FUT9: variants seen among roughly 807,000 people sequenced by gnomAD.
The protein encoded by FUT9 is 4-galactosyl-N-acetylglucosaminide 3-alpha-L-fucosyltransferase 9.
FUT9 carries 15 observed loss-of-function variants against 29.7 expected under a neutral mutation model. The observed-to-expected ratio is 0.51, with a 90% CI of 0.34 to 0.78. The LOEUF is 0.78. Ranked by LOEUF, FUT9 falls within the 30% of genes least tolerant of loss-of-function variation. The pLI is 0.01. For missense variants in FUT9, 319 were observed against 425.4 expected (o/e 0.75, Z 2.20); for synonymous variants, 169 against 153.7 (o/e 1.10, Z -0.74).
At position 96,089,190 on chromosome 6, in the gene FUT9, T is replaced by C. The variant is rs536900176; in HGVS notation, c.-97-24849T>C. Among the ~76,000 whole-genome samples the C allele has an allele frequency of 1.6e-3, 247 of 152,344 alleles. 1 individual carries two copies. The highest frequency in any genetic ancestry group is 5.8e-3 in the African/African-American group (243 of 41,580). On this transcript the variant is annotated intron_variant, in intron 1 of 2. Coordinates refer to ENST00000302103, the MANE Select transcript of FUT9 (RefSeq NM_006581.4). ...AGTTTTGTTTCATCATGGTTAGTTT[T>C]CATACACACATTTGCTGATTAATAC...
At chr6:96,164,333 A>C (rs1772972882) in intron 2 of FUT9, among the ~76,000 whole-genome samples, 1 of 135,718 alleles carries the variant, frequency 7.4e-6, no homozygotes, top group Non-Finnish European at 1.5e-5. Context: ...ATCTCAGCTC[A>C]CTGCAACCTC....
Position 96,030,568 on chromosome 6 carries a change from A to C in FUT9, c.-98+14356A>C, listed in dbSNP as rs528663953. On this transcript the variant is annotated intron_variant, in intron 1 of 2. Coordinates refer to ENST00000302103, the MANE Select transcript of FUT9 (RefSeq NM_006581.4). ...ACTGCAATTTTGGAAACTGTTTAAT[A>C]GTTCCTTATAAAGTTAAAAATACAA... 2.6e-5 allele frequency among the ~76,000 whole-genome samples: 4 copies of C among 151,642 alleles called. No individual in the cohort carries two copies. In the South Asian group the frequency reaches 8.3e-4, roughly 31 times the overall value.
At chr6:96,154,273 A>T (rs376262433) in intron 2 of FUT9, among the ~76,000 whole-genome samples, 13 of 152,218 alleles carry the variant, frequency 8.5e-5, no homozygotes, top group East Asian at 7.7e-4. Context: ...ACAAATGGTG[A>T]TCTGTTAATG....
chr6:96,021,734 C>A (rs1331245755), intron 1 of FUT9, among the ~76,000 whole-genome samples: 1 of 151,958 alleles, frequency 6.6e-6, no homozygotes, highest in Non-Finnish European at 1.5e-5. Context: ...AAGTATATGG[C>A]AGCATTTAAA....
In FUT9 at chr6:96,212,197, G is replaced by T. The variant is rs1274874206; in HGVS notation, c.*7962G>T. On this transcript the variant is annotated 3_prime_UTR_variant, in exon 3 of 3. Transcript: ENST00000302103. ...CCAGAGTTACAATATCACATCTCCA[G>T]TCTCAGATTGGCCTCATTAGCCACC... 3 of 412,516 alleles carry T rather than the reference G, an allele frequency of 7.3e-6. No homozygotes were observed. The highest frequency in any genetic ancestry group is 1.3e-5 in the Non-Finnish European group (3 of 225,638). The allele number at this position is 412,516 out of a possible 1,614,324, so 25.6% of individuals were successfully genotyped here. A position where few individuals can be genotyped will look rare whatever the true frequency, so the allele number is the denominator to read the frequency against.
intron 1 of FUT9, among the ~76,000 whole-genome samples, chr6:96,057,083 G>T (rs141151256): frequency 6.6e-6 from 1 of 152,276 alleles, no homozygotes; most frequent in African/African-American, 2.4e-5. Context: ...ATGTTTGGTA[G>T]GTTAGTTGTT....
intron 2 of FUT9, among the ~76,000 whole-genome samples, chr6:96,187,682 A>G (rs4133132): frequency 0.91 from 138,517 of 151,912 alleles, 64,516 homozygotes; most frequent in Non-Finnish European, 1. Context: ...ATAAAAATAT[A>G]CAGGGAGGGA....
chr6:96,147,025 A>T (rs1412460990), intron 2 of FUT9, among the ~76,000 whole-genome samples: 1 of 152,234 alleles, frequency 6.6e-6, no homozygotes. Context: ...CAAAGATTTA[A>T]CAGGCCAAGA....
intron 1 of FUT9, among the ~76,000 whole-genome samples, chr6:96,047,264 T>A (rs1415350741): frequency 1.3e-5 from 2 of 152,206 alleles, no homozygotes; most frequent in East Asian, 3.9e-4. Context: ...ATTTTATAAG[T>A]ATGTGTGACC....
chr6:96,062,676 G>C (rs2127944599), intron 1 of FUT9, among the ~76,000 whole-genome samples: 1 of 152,240 alleles, frequency 6.6e-6, no homozygotes, highest in South Asian at 2.1e-4. Context: ...ACACTGCATA[G>C]TGAAATTTCA....
intron 2 of FUT9, among the ~76,000 whole-genome samples, chr6:96,184,233 T>C (rs1387135303): frequency 6.6e-6 from 1 of 152,026 alleles, no homozygotes; most frequent in Non-Finnish European, 1.5e-5. Flanking sequence ...AGTTTATGCA[T>C]GTAAAGAAGT....
intron 2 of FUT9, among the ~76,000 whole-genome samples, chr6:96,125,624 G>C (rs12190820): frequency 0.19 from 28,257 of 152,078 alleles, 2,812 homozygotes; most frequent in Non-Finnish European, 0.21. Context: ...GTTGGGTCAA[G>C]GATACATAGG....
chr6:96,130,189 A>C (rs751046164), intron 2 of FUT9, among the ~76,000 whole-genome samples: 9 of 152,078 alleles, frequency 5.9e-5, no homozygotes, highest in Non-Finnish European at 1.2e-4. Context: ...AATCTTAGAC[A>C]AGGCAGTATG....
chr6:96,066,780 G>A (rs983952105), intron 1 of FUT9, among the ~76,000 whole-genome samples: 1 of 152,010 alleles, frequency 6.6e-6, no homozygotes, highest in Non-Finnish European at 1.5e-5. Context: ...ATTACTTGCG[G>A]AATAGACATA....
rs1773790123 is a variant in FUT9 at position 96,204,463 on chromosome 6, A to G, written c.*228A>G. ...TACCTAATTATGTGCACTGGAGAGT[A>G]ATTTATTCTTCATTATCATTTGTAA... On this transcript the variant is annotated 3_prime_UTR_variant, in exon 3 of 3. Coordinates refer to ENST00000302103, the MANE Select transcript of FUT9 (RefSeq NM_006581.4). 1 of 317,780 alleles carries G rather than the reference A, an allele frequency of 3.1e-6. No homozygotes were observed. Among genetic ancestry groups the G allele is most frequent in the Non-Finnish European group, 6.0e-6 (1 of 165,958 alleles). 19.7% of individuals were successfully genotyped at this position (317,780 alleles called of 1,614,324 possible).
intron 1 of FUT9, among the ~76,000 whole-genome samples, chr6:96,113,729 C>T (rs1047920735): frequency 4.0e-5 from 6 of 151,652 alleles, no homozygotes; most frequent in Non-Finnish European, 7.4e-5. Context: ...TGGCGGGCGC[C>T]TGTAGTCCCA....
In FUT9 at chr6:96,072,393, T is replaced by C. The variant is rs1287754257; in HGVS notation, c.-97-41646T>C. 2.0e-5 allele frequency among the ~76,000 whole-genome samples: 3 copies of C among 152,234 alleles called. No homozygotes were observed. The East Asian group carries it at 5.8e-4, about 29-fold the overall frequency. On this transcript the variant is annotated intron_variant, in intron 1 of 2. Transcript: ENST00000302103. ...AAAAAATTGTATCTTTCTCCTATTA[T>C]TCTCTGCATCACTTTGTAGATTGCA...
intron 1 of FUT9, among the ~76,000 whole-genome samples, chr6:96,106,149 A>T (rs1334898784): frequency 2.0e-5 from 3 of 152,014 alleles, no homozygotes; most frequent in African/African-American, 7.2e-5. Flanking sequence ...TGAAGATAGC[A>T]GGCAGCATGT....
At chr6:96,185,176 A>T (rs1391565533) in intron 2 of FUT9, among the ~76,000 whole-genome samples, 1 of 152,006 alleles carries the variant, frequency 6.6e-6, no homozygotes, top group Non-Finnish European at 1.5e-5. Context: ...GAAGGAATGA[A>T]AGGCGGGAAT....
Sources: gnomAD v4.1 joint callset for allele counts (sites outside exome capture counted in the v4.1 genomes callset) on GRCh38, gnomAD v4.1.1 for gene constraint, MANE v1.5 for transcripts, NCBI Gene and HGNC (gene_info 2026-07-23, HGNC 2026-07-21) for gene names.